Variants in CAMK2D observed in about 807,000 individuals in gnomAD.
CAMK2D encodes the protein calcium/calmodulin dependent protein kinase II delta.
Under a neutral mutation model 84.0 loss-of-function variants are expected in CAMK2D, and 37 were observed. That is an observed-to-expected ratio of 0.44 (90% CI 0.34 to 0.58). The LOEUF (loss-of-function observed/expected upper bound fraction) is 0.58, where lower values mean the gene tolerates loss of function less well. Ranked by LOEUF, CAMK2D falls within the 20% of genes least tolerant of loss-of-function variation. The pLI is 0.02. For synonymous variants in CAMK2D, 202 were observed against 212.5 expected (o/e 0.95, Z 0.43); for missense variants, 448 against 652.5 (o/e 0.69, Z 3.41).
At chr4:113,706,013 G>A (rs953058353) in intron 2 of CAMK2D, among the ~76,000 whole-genome samples, 3 of 152,168 alleles carry the variant, frequency 2.0e-5, no homozygotes, top group South Asian at 2.1e-4. Flanking sequence ...CAAGGCTAAA[G>A]AGAGAAAATT....
At chr4:113,733,874 C>T (rs933966834) in intron 2 of CAMK2D, among the ~76,000 whole-genome samples, 3 of 152,134 alleles carry the variant, frequency 2.0e-5, no homozygotes, top group African/African-American at 7.2e-5. Context: ...AAAATACATA[C>T]ACAAACTAAT....
At chr4:113,461,896 G>A (rs112868855) in intron 17 of CAMK2D, among the ~76,000 whole-genome samples, 1 of 152,138 alleles carries the variant, frequency 6.6e-6, no homozygotes, top group Admixed American at 6.6e-5. Context: ...ACGTGGAACC[G>A]GTGTTATTTA....
At chr4:113,625,373 A>G (rs2099063286) in intron 3 of CAMK2D, among the ~76,000 whole-genome samples, 1 of 152,206 alleles carries the variant, frequency 6.6e-6, no homozygotes, top group Non-Finnish European at 1.5e-5. Context: ...TAGGAAATTG[A>G]TAAGTGTTCT....
chr4:113,485,421 C>G (rs1469033859), intron 16 of CAMK2D, among the ~76,000 whole-genome samples: 1 of 152,166 alleles, frequency 6.6e-6, no homozygotes, highest in East Asian at 1.9e-4. Context: ...AAATGATCAG[C>G]AAATTTCTTC....
chr4:113,465,432 A>G, intron 17 of CAMK2D, 97 bp downstream of exon 17: 1 of 751,084 alleles, frequency 1.3e-6, no homozygotes, highest in Non-Finnish European at 2.3e-6. Flanking sequence ...CAAACCTTGA[A>G]TTAAATATAT....
At chr4:113,650,099 G>A (rs1014720711) in intron 3 of CAMK2D, among the ~76,000 whole-genome samples, 5 of 151,906 alleles carry the variant, frequency 3.3e-5, no homozygotes, top group Admixed American at 2.6e-4. Flanking sequence ...CAAAGAAATA[G>A]GAGACAACTT....
intron 20 of CAMK2D, among the ~76,000 whole-genome samples, chr4:113,454,824 CT>C (rs1160242906): frequency 6.6e-6 from 1 of 152,138 alleles, no homozygotes; most frequent in Admixed American, 6.6e-5. Context: ...TTAAGCATTC[CT>C]GTTTACTGGA....
chr4:113,480,336 C>T (rs1409807850), intron 16 of CAMK2D, among the ~76,000 whole-genome samples: 2 of 152,086 alleles, frequency 1.3e-5, no homozygotes, highest in African/African-American at 4.8e-5. Flanking sequence ...AATGCATATT[C>T]AATGGAGAGC....
At chr4:113,518,658 A>G (rs893409754) in intron 8 of CAMK2D, among the ~76,000 whole-genome samples, 1 of 152,106 alleles carries the variant, frequency 6.6e-6, no homozygotes, top group African/African-American at 2.4e-5. Context: ...CCTTAAGCCT[A>G]GGAAACCTGA....
At chr4:113,712,919 G>A (rs2099498684) in intron 2 of CAMK2D, among the ~76,000 whole-genome samples, 1 of 151,700 alleles carries the variant, frequency 6.6e-6, no homozygotes, top group African/African-American at 2.4e-5. Context: ...CACTATACAT[G>A]TATATCCACA....
At chr4:113,580,930 A>T in intron 4 of CAMK2D, among the ~76,000 whole-genome samples, 2 of 107,864 alleles carry the variant, frequency 1.9e-5, no homozygotes, top group Non-Finnish European at 1.9e-5. Flanking sequence ...GGGTGGGGGG[A>T]GGGAGAATAT....
chr4:113,535,300 C>A (rs548997573), intron 7 of CAMK2D, among the ~76,000 whole-genome samples: 25 of 152,100 alleles, frequency 1.6e-4, no homozygotes, highest in Non-Finnish European at 1.0e-4. Flanking sequence ...CCTTAGAGTT[C>A]ATATTTCCTG....
At chr4:113,536,367 G>A (rs2098490456) in intron 7 of CAMK2D, among the ~76,000 whole-genome samples, 1 of 152,190 alleles carries the variant, frequency 6.6e-6, no homozygotes, top group Admixed American at 6.5e-5. Context: ...GGGCAGAAAA[G>A]GGAGATGTGG....
chr4:113,457,515 T>A lies in CAMK2D; in HGVS notation c.1355A>T (p.His452Leu). Residue 452 changes from histidine (H) to leucine (L), a missense_variant, in exon 19 of 21, where the codon CAT (histidine) becomes CTT (leucine). His to Leu is a moderately conservative substitution (Grantham distance 99, BLOSUM62 -3). Transcript: ENST00000511664. Reference sequence around the variant, plus strand: ...GGCATCATCCCCTACCAGATGTACATGAGGGTTTAGAATAATAGTGTGGAT... The same window carrying A: ...GGCATCATCCCCTACCAGATGTACAAGAGGGTTTAGAATAATAGTGTGGAT... ...KPIHTIILNP[H>L]VHLVGDDAAC... 3 of 1,613,230 alleles carry A rather than the reference T, an allele frequency of 1.9e-6. No individual in the cohort carries two copies. Among genetic ancestry groups the A allele is most frequent in the South Asian group, 2.2e-5 (2 of 91,070 alleles).
intron 3 of CAMK2D, among the ~76,000 whole-genome samples, chr4:113,610,440 C>T (rs368262982): frequency 6.6e-6 from 1 of 152,200 alleles, no homozygotes; most frequent in South Asian, 2.1e-4. Flanking sequence ...TAAGAACATT[C>T]AGGTTATCAC....
intron 4 of CAMK2D, among the ~76,000 whole-genome samples, chr4:113,565,932 G>C (rs146812255): frequency 9.9e-5 from 15 of 152,246 alleles, no homozygotes; most frequent in Non-Finnish European, 2.1e-4. Flanking sequence ...TGCACTTTTG[G>C]AAGATTTTGT....
intron 3 of CAMK2D, among the ~76,000 whole-genome samples, chr4:113,614,732 G>C (rs1385057375): frequency 1.3e-5 from 2 of 152,190 alleles, no homozygotes; most frequent in South Asian, 2.1e-4. Flanking sequence ...CATTAAATCT[G>C]GGATGGGGAT....
At chr4:113,758,887 G>T (rs1479464897) in intron 2 of CAMK2D, among the ~76,000 whole-genome samples, 2 of 152,146 alleles carry the variant, frequency 1.3e-5, no homozygotes, top group Non-Finnish European at 2.9e-5. Context: ...GATGAATTAA[G>T]TTCAAGTGTA....
intron 16 of CAMK2D, among the ~76,000 whole-genome samples, chr4:113,491,878 A>G (rs2097848532): frequency 6.6e-6 from 1 of 151,920 alleles, no homozygotes; most frequent in Admixed American, 6.6e-5. Flanking sequence ...GGGAGGGTGT[A>G]TGTGTCCAGG....
Sources: allele counts gnomAD v4.1 joint callset (sites outside exome capture counted in the v4.1 genomes callset), GRCh38; gene constraint gnomAD v4.1.1; transcripts MANE v1.5; gene names NCBI Gene and HGNC (gene_info 2026-07-23, HGNC 2026-07-21).